The following PARD3B variants were observed in gnomAD, a reference collection of about 807,000 sequenced individuals.
PARD3B encodes the protein par-3 family cell polarity regulator beta.
A neutral mutation model predicts 130.2 loss-of-function variants in PARD3B; 103 were observed. That is an observed-to-expected ratio of 0.79 (90% CI 0.67 to 0.93). The LOEUF is 0.93. Among genes scored for constraint, PARD3B ranks in the 40% least tolerant of loss-of-function variants. The pLI is 0.00. For missense variants in PARD3B, 1,609 were observed against 1,499.2 expected, an observed-to-expected ratio of 1.07 and a Z score of -1.21; for synonymous variants, 583 against 553.2, an observed-to-expected ratio of 1.05 and a Z score of -0.76.
chr2:204,991,297 A>G (rs1308898630), intron 3 of PARD3B, among the ~76,000 whole-genome samples: 1,903 of 144,638 alleles, frequency 0.013, 29 homozygotes, highest in African/African-American at 0.046. Flanking sequence ...TCATTGTTCA[A>G]TTCCCACCTA....
At chr2:204,848,202 A>G (rs1197605724) in intron 2 of PARD3B, among the ~76,000 whole-genome samples, 3 of 152,182 alleles carry the variant, frequency 2.0e-5, no homozygotes, top group Admixed American at 6.6e-5. Flanking sequence ...GAATAAACAT[A>G]GTATATATAG....
At chr2:205,548,886 A>G (rs780701769) in intron 21 of PARD3B, among the ~76,000 whole-genome samples, 4 of 152,188 alleles carry the variant, frequency 2.6e-5, no homozygotes, top group Non-Finnish European at 5.9e-5. Context: ...ATAATGAAGT[A>G]TCCAAAATAC....
intron 18 of PARD3B, among the ~76,000 whole-genome samples, chr2:205,393,762 A>G (rs2045933916): frequency 6.6e-6 from 1 of 152,178 alleles, no homozygotes; most frequent in African/African-American, 2.4e-5. Context: ...GACAGAATGT[A>G]GCCACCTTAA....
chr2:205,381,772 T>C (rs1464552443), intron 18 of PARD3B, among the ~76,000 whole-genome samples: 1 of 152,018 alleles, frequency 6.6e-6, no homozygotes, highest in African/African-American at 2.4e-5. Flanking sequence ...AGACAATGTA[T>C]ATATTTCTGT....
chr2:204,868,927 C>A (rs1042657079), intron 2 of PARD3B, among the ~76,000 whole-genome samples: 13 of 152,116 alleles, frequency 8.5e-5, no homozygotes, highest in African/African-American at 2.7e-4. Context: ...TAAAAGCCAA[C>A]AACAGGGAAT....
intron 4 of PARD3B, among the ~76,000 whole-genome samples, chr2:205,084,880 TTTTCTC>T (rs1559422070): frequency 1.3e-5 from 2 of 152,028 alleles, no homozygotes; most frequent in African/African-American, 4.8e-5. Context: ...ATAATAAACT[TTTTCTC>T]TATATATTCC....
intron 2 of PARD3B, among the ~76,000 whole-genome samples, chr2:204,861,898 TAAGACATTTAAAAG>T (rs1317223424): frequency 2.4e-4 from 19 of 79,236 alleles, no homozygotes; most frequent in African/African-American, 1.0e-3. Context: ...TTGATTCAGT[TAAGACATTTAAAAG>T]AAGACATTTC....
At chr2:205,555,487 C>T (rs1381620721) in intron 22 of PARD3B, among the ~76,000 whole-genome samples, 1 of 152,192 alleles carries the variant, frequency 6.6e-6, no homozygotes, top group South Asian at 2.1e-4. Context: ...CCCCGAAATA[C>T]TCACTCATGG....
chr2:204,962,128 G>T (rs1204542542), intron 2 of PARD3B, among the ~76,000 whole-genome samples: 1 of 152,088 alleles, frequency 6.6e-6, no homozygotes, highest in Non-Finnish European at 1.5e-5. Context: ...AGATCTTGTG[G>T]GAACAGGAGT....
rs529284831 is a variant in PARD3B, at chr2:204,589,351, A to T, written c.120+43232A>T. Reference sequence around the variant, plus strand: ...ATTCATGTTTGAGGCTGGTAGTAATAAGATGGGATAAATCAAATAGGACAA... The same window carrying T: ...ATTCATGTTTGAGGCTGGTAGTAATTAGATGGGATAAATCAAATAGGACAA... On this transcript the variant is annotated intron_variant, in intron 1 of 22. Coordinates refer to ENST00000406610, the MANE Select transcript of PARD3B (RefSeq NM_001302769.2). Among the ~76,000 whole-genome samples, 4 of 147,024 alleles carry T rather than the reference A, an allele frequency of 2.7e-5. No homozygotes were observed. In the South Asian group the frequency reaches 8.4e-4, roughly 31 times the overall value.
chr2:205,215,485 G>A (rs867084323), intron 15 of PARD3B, among the ~76,000 whole-genome samples: 7 of 151,742 alleles, frequency 4.6e-5, no homozygotes, highest in Non-Finnish European at 1.0e-4. Context: ...TATAAATTAT[G>A]GGAAAACAAA....
At chr2:204,935,356 T>G (rs10932091) in intron 2 of PARD3B, among the ~76,000 whole-genome samples, 1 of 143,664 alleles carries the variant, frequency 7.0e-6, no homozygotes, top group African/African-American at 2.5e-5. Flanking sequence ...GGTGAAACCC[T>G]GTCTCTACTA....
chr2:204,865,435 C>G (rs2045369690), intron 2 of PARD3B, among the ~76,000 whole-genome samples: 1 of 152,108 alleles, frequency 6.6e-6, no homozygotes, highest in Admixed American at 6.5e-5. Flanking sequence ...ATATATATAC[C>G]ATGGAATACT....
chr2:205,501,981 C>G (rs890969616), intron 21 of PARD3B, among the ~76,000 whole-genome samples: 1 of 152,118 alleles, frequency 6.6e-6, no homozygotes, highest in Non-Finnish European at 1.5e-5. Context: ...GTTTCCCAGA[C>G]AATCGGGGTC....
At chr2:204,880,654 T>A (rs1229025439) in intron 2 of PARD3B, among the ~76,000 whole-genome samples, 6 of 83,450 alleles carry the variant, frequency 7.2e-5, no homozygotes, top group African/African-American at 1.5e-4. Flanking sequence ...CGAGACTCCA[T>A]CTCAAAAAAA....
At chr2:204,900,822 T>C (rs984991227) in intron 2 of PARD3B, among the ~76,000 whole-genome samples, 13 of 152,220 alleles carry the variant, frequency 8.5e-5, no homozygotes, top group African/African-American at 3.1e-4. Context: ...TTTTGGTCAC[T>C]GCAGCCACAT....
chr2:204,857,235 C>T (rs2044987761), intron 2 of PARD3B, among the ~76,000 whole-genome samples: 1 of 152,126 alleles, frequency 6.6e-6, no homozygotes, highest in Non-Finnish European at 1.5e-5. Flanking sequence ...CATGAAGGCA[C>T]ATCTTTCTTC....
At chr2:205,571,232 C>A (rs1454653452) in intron 22 of PARD3B, among the ~76,000 whole-genome samples, 4 of 152,136 alleles carry the variant, frequency 2.6e-5, no homozygotes, top group Admixed American at 2.6e-4. Flanking sequence ...CTAATCTAGC[C>A]CTTTCTTGAC....
chr2:205,201,557 G>A (rs939611537), intron 15 of PARD3B, among the ~76,000 whole-genome samples: 11 of 152,188 alleles, frequency 7.2e-5, no homozygotes, highest in African/African-American at 2.7e-4. Context: ...ATATTATAGG[G>A]CCGGGCACAG....
Sources: allele counts gnomAD v4.1 joint callset (sites outside exome capture counted in the v4.1 genomes callset), GRCh38; gene constraint gnomAD v4.1.1; transcripts MANE v1.5; gene names NCBI Gene and HGNC (gene_info 2026-07-23, HGNC 2026-07-21).